Variants in ZNF83 observed in about 807,000 individuals in gnomAD.
ZNF83 encodes zinc finger protein 816B.
For synonymous variants in ZNF83, 209 were observed against 213.0 expected (o/e 0.98, Z 0.17); for missense variants, 552 against 629.9 (o/e 0.88, Z 1.32).
At chr19:52,614,240 T>C (rs1209026426) in exon 3 of ZNF83, 2 of 1,614,016 alleles carry the variant, frequency 1.2e-6, no homozygotes, top group South Asian at 1.1e-5. Context: ...TGATGTATAG[T>C]AAAATGTAAG....
chr19:52,647,242 T>G (rs1275520793), intron 3 of ZNF83, among the ~76,000 whole-genome samples: 2 of 152,204 alleles, frequency 1.3e-5, no homozygotes, highest in Non-Finnish European at 2.9e-5. Context: ...AACTAACCTC[T>G]GATGCCAAGA....
chr19:52,677,329 A>AAAAAAAAAAAAAT (rs1555791128), intron 1 of ZNF83, among the ~76,000 whole-genome samples: 2 of 129,116 alleles, frequency 1.5e-5, no homozygotes, highest in Non-Finnish European at 3.3e-5. Flanking sequence ...AAAAAAAAAA[A>AAAAAAAAAAAAAT]ACAAAAATTA....
intron 2 of ZNF83, among the ~76,000 whole-genome samples, chr19:52,658,975 T>G (rs1166960022): frequency 6.6e-6 from 1 of 152,220 alleles, no homozygotes; most frequent in Non-Finnish European, 1.5e-5. Flanking sequence ...TGCGAGCTGC[T>G]CAGGGCCGGC....
At chr19:52,614,439 G>GTGATCATATT in exon 3 of ZNF83, 1 of 1,613,686 alleles carries the variant, frequency 6.2e-7, no homozygotes, top group Non-Finnish European at 8.5e-7. Flanking sequence ...ATTTTTCCAT[G>GTGATCATATT]TGATCATATT....
At chr19:52,689,345 G>T (rs997393041) in intron 1 of ZNF83, among the ~76,000 whole-genome samples, 1 of 151,662 alleles carries the variant, frequency 6.6e-6, no homozygotes, top group South Asian at 2.1e-4. Flanking sequence ...CCATCTCAGC[G>T]CCTCCTCTGC....
At chr19:52,647,632 A>T (rs1170120709) in intron 3 of ZNF83, among the ~76,000 whole-genome samples, 3 of 139,162 alleles carry the variant, frequency 2.2e-5, no homozygotes, top group Non-Finnish European at 3.1e-5. Context: ...AATATCTCTC[A>T]TTCTCCCCTT....
chr19:52,657,207 C>T (rs886348373), intron 2 of ZNF83, among the ~76,000 whole-genome samples: 1 of 151,992 alleles, frequency 6.6e-6, no homozygotes, highest in Non-Finnish European at 1.5e-5. Flanking sequence ...AGAAGGTCAG[C>T]CAACATACAG....
At chr19:52,639,415 A>ATTTTTTTTTTTTTTTTTTTTTTTTTTTT (rs1160711365), upstream of ZNF83, among the ~76,000 whole-genome samples, 1 of 86,348 alleles carries the variant, frequency 1.2e-5, no homozygotes, top group East Asian at 5.6e-4. Context: ...AGTTTTTTCT[A>ATTTTTTTTTTTTTTTTTTTTTTTTTTTT]TTTTTTTTTT....
In ZNF83 at chr19:52,689,074, A is replaced by G. The variant is rs115905364; in HGVS notation, c.-283+1369T>C. Among the ~76,000 whole-genome samples the G allele has an allele frequency of 3.4e-3, 524 of 152,092 alleles. 7 individuals carry two copies. The highest frequency in any genetic ancestry group is 0.012 in the African/African-American group (514 of 41,506). On this transcript the variant is annotated intron_variant, in intron 1 of 5. Coordinates refer to the ZNF83 transcript ENST00000594682. ...TCAGTTCTTGTTTTTCCTTTGATGC[A>G]GCTACAAGGCCACCGGCAACCCAAG...
intron 3 of ZNF83, among the ~76,000 whole-genome samples, chr19:52,644,045 G>A (rs969365394): frequency 2.0e-5 from 3 of 152,136 alleles, no homozygotes; most frequent in East Asian, 1.9e-4. Flanking sequence ...TGGGGAACAC[G>A]GGAAGCTGGT....
At chr19:52,629,389 G>A (rs893991603) in intron 2 of ZNF83, among the ~76,000 whole-genome samples, 11 of 151,796 alleles carry the variant, frequency 7.2e-5, no homozygotes, top group African/African-American at 1.5e-4. Flanking sequence ...CCCAAGCATC[G>A]CTGAGTCTTT....
chr19:52,625,423 A>T (rs997166389), intron 2 of ZNF83, among the ~76,000 whole-genome samples: 3 of 151,958 alleles, frequency 2.0e-5, no homozygotes, highest in African/African-American at 7.3e-5. Flanking sequence ...CTCCCCCCAT[A>T]TTTGGACTCC....
intron 2 of ZNF83, among the ~76,000 whole-genome samples, chr19:52,628,073 A>G (rs867873953): frequency 6.6e-6 from 1 of 152,028 alleles, no homozygotes; most frequent in South Asian, 2.1e-4. Context: ...AAAATGGCCC[A>G]ACCCCTATCT....
intron 2 of ZNF83, among the ~76,000 whole-genome samples, chr19:52,620,278 G>GCC (rs2060494843): frequency 2.6e-5 from 4 of 151,312 alleles, no homozygotes; most frequent in Non-Finnish European, 5.9e-5. Flanking sequence ...CTCTGTGTGT[G>GCC]TGTGTGTGTG....
At chr19:52,676,367 A>C (rs528927590) in intron 1 of ZNF83, among the ~76,000 whole-genome samples, 5 of 152,186 alleles carry the variant, frequency 3.3e-5, no homozygotes, top group African/African-American at 1.2e-4. Flanking sequence ...TTGGCCTCCC[A>C]AAGTGCCGAG....
intron 1 of ZNF83, among the ~76,000 whole-genome samples, chr19:52,686,504 A>AAAG (rs1491187430): frequency 1.6e-4 from 3 of 18,670 alleles, no homozygotes; most frequent in Non-Finnish European, 3.4e-4. Context: ...AACCAGAAAG[A>AAAG]AAAAAAAAAA....
intron 1 of ZNF83, among the ~76,000 whole-genome samples, chr19:52,676,899 G>A (rs1362801851): frequency 7.3e-6 from 1 of 136,220 alleles, no homozygotes; most frequent in Non-Finnish European, 1.5e-5. Flanking sequence ...GGTGCAAGAT[G>A]TGCTTTGTTA....
At chr19:52,671,620 C>T (rs2147313068) in intron 1 of ZNF83, among the ~76,000 whole-genome samples, 1 of 152,198 alleles carries the variant, frequency 6.6e-6, no homozygotes. Context: ...TTTGTTAGTA[C>T]TTTGTAGAGG....
At chr19:52,645,692 A>G (rs545536930) in intron 3 of ZNF83, among the ~76,000 whole-genome samples, 1 of 151,972 alleles carries the variant, frequency 6.6e-6, no homozygotes, top group African/African-American at 2.4e-5. Flanking sequence ...CTGTAGTGCC[A>G]CCTACTCAGG....
Sources: gnomAD v4.1 joint callset for allele counts (sites outside exome capture counted in the v4.1 genomes callset) on GRCh38, gnomAD v4.1.1 for gene constraint, MANE v1.5 for transcripts, NCBI Gene and HGNC (gene_info 2026-07-23, HGNC 2026-07-21) for gene names.